Variants in VAV2 observed in about 807,000 individuals in gnomAD.
The protein encoded by VAV2 is guanine nucleotide exchange factor VAV2.
A neutral mutation model predicts 132.5 loss-of-function variants in VAV2; 67 were observed. That is an observed-to-expected ratio of 0.51 (90% CI 0.42 to 0.62). The LOEUF (loss-of-function observed/expected upper bound fraction) is 0.62. VAV2 is among the 20% of genes least tolerant of loss of function. The probability of loss-of-function intolerance (pLI) is 0.00; values close to 1 mark genes in which losing one functional copy is unlikely to be tolerated. For missense variants in VAV2, 938 were observed against 1,153.6 expected (o/e 0.81, Z 2.71); for synonymous variants, 492 against 443.5 (o/e 1.11, Z -1.37).
chr9:133,772,185 T>C (rs1218353271), intron 25 of VAV2, 139 bp from the exon 26 acceptor site: 8 of 716,824 alleles, frequency 1.1e-5, no homozygotes, highest in African/African-American at 1.8e-5. Context: ...GTCAGCCCTG[T>C]CCTACCCCAG....
chr9:133,862,557 C>T (rs372752988), intron 2 of VAV2, among the ~76,000 whole-genome samples: 10 of 152,180 alleles, frequency 6.6e-5, no homozygotes, highest in African/African-American at 1.9e-4. Context: ...GTGCACTGCA[C>T]GGCTGCGCAG....
At chr9:133,948,937 C>A (rs75766287) in intron 1 of VAV2, among the ~76,000 whole-genome samples, 5 of 152,188 alleles carry the variant, frequency 3.3e-5, no homozygotes, top group African/African-American at 1.2e-4. Flanking sequence ...GGGAGCCCCA[C>A]GGCATAGGCA....
In VAV2 at chr9:133,834,425, C is replaced by T; in HGVS notation, c.381-85G>A. On this transcript the variant is annotated intron_variant, in intron 3 of 29. Transcript: ENST00000371850. The surrounding 1 kb of genome is among the most constrained non-coding windows in gnomAD (Gnocchi z 5.9). Reference sequence around the variant, plus strand: ...CCCAGCTGGACCCCACAGCAGAGCCCAGTGTGGCCCAGCCAGGAGCAAAGG... The same window carrying T: ...CCCAGCTGGACCCCACAGCAGAGCCTAGTGTGGCCCAGCCAGGAGCAAAGG... The T allele has an allele frequency of 7.9e-6, 11 of 1,391,870 alleles. No homozygotes were observed. Among genetic ancestry groups the T allele is most frequent in the Non-Finnish European group, 1.1e-5 (11 of 1,006,850 alleles). 86.2% of individuals were successfully genotyped at this position (1,391,870 alleles called of 1,614,324 possible). A position where few individuals can be genotyped will look rare whatever the true frequency, so the allele number is the denominator to read the frequency against.
In VAV2 at chr9:133,819,272, G is replaced by A. The variant is rs530710754; in HGVS notation, c.450-7056C>T. ...ATCCTGGCTAACACAGTGAAACCCC[G>A]TCTCTACTAAAAAATACAAAAAAAA... On this transcript the variant is annotated intron_variant, in intron 4 of 29. Coordinates refer to ENST00000371850, the MANE Select transcript of VAV2 (RefSeq NM_001134398.2). Among the ~76,000 whole-genome samples, 650 of 149,712 alleles carry A rather than the reference G, an allele frequency of 4.3e-3. 1 individual carries two copies. The highest frequency in any genetic ancestry group is 0.01 in the Middle Eastern group (3 of 288).
intron 9 of VAV2, 135 bp downstream of exon 9, chr9:133,805,946 G>A: frequency 1.1e-6 from 1 of 935,176 alleles, no homozygotes; most frequent in South Asian, 1.7e-5. Context: ...CTCAACAAGG[G>A]AGGACGGGGT....
At chr9:133,779,597 G>A (rs1353247722) in intron 21 of VAV2, among the ~76,000 whole-genome samples, 1 of 152,228 alleles carries the variant, frequency 6.6e-6, no homozygotes, top group Non-Finnish European at 1.5e-5. Context: ...AGAACGTGGT[G>A]GGAGAACAGC....
chr9:133,784,205 A>AC, intron 18 of VAV2, 112 bp downstream of exon 18: 1 of 1,204,154 alleles, frequency 8.3e-7, no homozygotes, highest in Non-Finnish European at 1.2e-6. Flanking sequence ...TACTCCCTTA[A>AC]CCCCTCAGGG....
In VAV2 at chr9:133,863,340, G is replaced by T. The variant is rs1051002595; in HGVS notation, c.322-1908C>A. On this transcript the variant is annotated intron_variant, in intron 2 of 29. Transcript: ENST00000371850. This position sits in a 1 kb window ranked among gnomAD's most constrained non-coding sequence, Gnocchi z 5.0. The stretch of plus-strand genomic sequence containing the variant: ...GCCCTCCTCCGTGGAGTCTAAGGAG[G>T]CACCAGCATTCGGTCAGCGCTGACA... Among the ~76,000 whole-genome samples, 1 of 152,198 alleles carries T rather than the reference G, an allele frequency of 6.6e-6. No individual in the cohort carries two copies. Among genetic ancestry groups the T allele is most frequent in the African/African-American group, 2.4e-5 (1 of 41,442 alleles).
At position 133,766,759 on chromosome 9, in the gene VAV2, A is replaced by ATATAT. The variant is rs1833447141; in HGVS notation, c.2589+1682_2589+1683insATATA. ...TACCCTAGAACTTAAAGTATAAATA[A>ATATAT]ATATATATATATATATATATATATA... On this transcript the variant is annotated intron_variant, in intron 29 of 29. Coordinates refer to ENST00000371850, the MANE Select transcript of VAV2 (RefSeq NM_001134398.2). Among the ~76,000 whole-genome samples, 532 of 112,088 alleles carry ATATAT rather than the reference A, an allele frequency of 4.7e-3. 1 individual carries two copies. Among genetic ancestry groups the ATATAT allele is most frequent in the Middle Eastern group, 0.023 (5 of 218 alleles). 73.5% of individuals were successfully genotyped at this position (112,088 alleles called of 152,430 possible). A position where few individuals can be genotyped will look rare whatever the true frequency, so the allele number is the denominator to read the frequency against.
At position 133,863,768 on chromosome 9, in the gene VAV2, G is replaced by C. The variant is rs1009583565; in HGVS notation, c.322-2336C>G. Among the ~76,000 whole-genome samples the C allele has an allele frequency of 2.0e-5, 3 of 152,164 alleles. No homozygotes were observed. Among genetic ancestry groups the C allele is most frequent in the Non-Finnish European group, 2.9e-5 (2 of 68,018 alleles). On this transcript the variant is annotated intron_variant, in intron 2 of 29. Coordinates refer to ENST00000371850, the MANE Select transcript of VAV2 (RefSeq NM_001134398.2). This position sits in a 1 kb window ranked among gnomAD's most constrained non-coding sequence, Gnocchi z 5.0. Reference sequence around the variant, plus strand: ...GGCACTGGGGATGGGGGGAAGCTCAGAAGTCCACCACGGGGAACCACACTC... The same window carrying C: ...GGCACTGGGGATGGGGGGAAGCTCACAAGTCCACCACGGGGAACCACACTC...
intron 1 of VAV2, among the ~76,000 whole-genome samples, chr9:133,964,064 T>TAA (rs1842065374): frequency 1.4e-5 from 2 of 138,764 alleles, no homozygotes; most frequent in African/African-American, 5.7e-5. Context: ...TATATACATA[T>TAA]ATATAAATGA....
intron 4 of VAV2, among the ~76,000 whole-genome samples, chr9:133,822,338 G>C (rs1323149997): frequency 6.6e-6 from 1 of 152,232 alleles, no homozygotes; most frequent in African/African-American, 2.4e-5. Context: ...AACCGAGTCG[G>C]ATGTTTCCTG....
At chr9:133,867,148 C>T (rs945078032) in intron 2 of VAV2, among the ~76,000 whole-genome samples, 2 of 152,128 alleles carry the variant, frequency 1.3e-5, no homozygotes, top group Non-Finnish European at 2.9e-5. Context: ...CTGAGGGTCC[C>T]GGCGCTCCCT....
At chr9:133,797,524 C>G (rs1399788293) in intron 10 of VAV2, among the ~76,000 whole-genome samples, 186 bp downstream of exon 10, 1 of 152,148 alleles carries the variant, frequency 6.6e-6, no homozygotes, top group Non-Finnish European at 1.5e-5. Context: ...ATGGTGACCT[C>G]CACCCAACCC....
chr9:133,963,702 T>C (rs772216945), intron 1 of VAV2, among the ~76,000 whole-genome samples: 5 of 152,136 alleles, frequency 3.3e-5, no homozygotes, highest in Non-Finnish European at 5.9e-5. Context: ...ACGTGAAACA[T>C]GGCATGATTT....
Position 133,791,839 on chromosome 9 carries a change from G to A in VAV2, c.1132C>T (p.Arg378Trp), listed in dbSNP as rs142018797. 1.5e-5 allele frequency: 24 copies of A among 1,613,394 alleles called. No homozygotes were observed. Among genetic ancestry groups the A allele is most frequent in the Non-Finnish European group, 1.8e-5 (21 of 1,179,870 alleles). ...ATTTTCCTCAAGGTCTCCTTGTCCC[G>A]TTTAACTTCATTGATGTACATCGCC... ...DLAMYINEVK[R>W]DKETLRKISE... The change falls in exon 13 of 30, where the codon CGG (arginine) becomes TGG (tryptophan). Residue 378 changes from arginine (R) to tryptophan (W), a missense_variant. Arg to Trp is a moderately radical substitution (Grantham distance 101). Coordinates refer to ENST00000371850, the MANE Select transcript of VAV2 (RefSeq NM_001134398.2).
At chr9:133,936,639 G>A (rs909444950) in intron 2 of VAV2, among the ~76,000 whole-genome samples, 1 of 152,160 alleles carries the variant, frequency 6.6e-6, no homozygotes, top group Non-Finnish European at 1.5e-5. Context: ...GCGACCGGTG[G>A]GGGGCGGCAG....
chr9:133,787,098 C>T, intron 16 of VAV2, 148 bp downstream of exon 16: 1 of 869,706 alleles, frequency 1.1e-6, no homozygotes, highest in African/African-American at 1.7e-5. Flanking sequence ...ATCATTTCAT[C>T]ATCGGGAAAG....
At position 133,991,478 on chromosome 9, in the gene VAV2, C is replaced by T. The variant is rs1238705900; in HGVS notation, c.204+597G>A. On this transcript the variant is annotated intron_variant, in intron 1 of 29. Coordinates refer to ENST00000371850, the MANE Select transcript of VAV2 (RefSeq NM_001134398.2). This position sits in a 1 kb window ranked among gnomAD's most constrained non-coding sequence, Gnocchi z 4.8. ...CCTGGGGATCCTCGAGGCGGCTCGA[C>T]CCGGGAGCCAGGACTGGCGCCAAGT... Among the ~76,000 whole-genome samples the T allele has an allele frequency of 6.6e-6, 1 of 150,470 alleles. No homozygotes were observed. The highest frequency in any genetic ancestry group is 2.5e-5 in the African/African-American group (1 of 40,714).
Sources: gnomAD v4.1 joint callset for allele counts (sites outside exome capture counted in the v4.1 genomes callset) on GRCh38, gnomAD v4.1.1 for gene constraint, Gnocchi (gnomAD v3.1) non-coding constraint, MANE v1.5 for transcripts, NCBI Gene and HGNC (gene_info 2026-07-23, HGNC 2026-07-21) for gene names.